The following TECTA variants were observed in gnomAD, a reference collection of about 807,000 sequenced individuals.
The protein encoded by TECTA is alpha-tectorin.
A neutral mutation model predicts 216.8 loss-of-function variants in TECTA; 128 were observed. That is an observed-to-expected ratio of 0.59 (90% CI 0.51 to 0.68). TECTA has a LOEUF of 0.68. TECTA is among the 30% of genes least tolerant of loss of function. The probability of loss-of-function intolerance (pLI) is 0.00; values close to 1 mark genes in which losing one functional copy is unlikely to be tolerated. For synonymous variants in TECTA, 1,089 were observed against 1,117.1 expected (o/e 0.97, Z 0.50); for missense variants, 2,551 against 2,786.2 (o/e 0.92, Z 1.90).
intron 20 of TECTA, among the ~76,000 whole-genome samples, chr11:121,175,389 T>G (rs1019245862): frequency 9.9e-5 from 15 of 152,212 alleles, no homozygotes; most frequent in African/African-American, 3.6e-4. Context: ...TCTGGTATGT[T>G]GTGTCTTTAT....
At chr11:121,102,878 G>A (rs567656439) in intron 2 of TECTA, 149 bp downstream of exon 2, 1 of 764,448 alleles carries the variant, frequency 1.3e-6, no homozygotes, top group Non-Finnish European at 2.3e-6. Flanking sequence ...ATTATCAAGG[G>A]TAAAATTCAT....
rs1947079684 is a variant in TECTA at position 121,168,622 on chromosome 11, A to G, written c.5751-55A>G. The G allele has an allele frequency of 1.9e-6, 3 of 1,613,414 alleles. No individual in the cohort carries two copies. The African/African-American group carries it at 4.0e-5, about 22-fold the overall frequency. On this transcript the variant is annotated intron_variant, in intron 19 of 23. Coordinates refer to ENST00000392793, the MANE Select transcript of TECTA (RefSeq NM_005422.4). ...ATTCTCAGCCTGAAAAATGGTAGGT[A>G]ATTGAATAGGTAACATTGTTTTGGA... is the stretch of plus-strand genomic sequence containing the variant.
At chr11:121,138,136 A>G (rs1390858430) in intron 11 of TECTA, 114 bp downstream of exon 11, 1 of 1,446,504 alleles carries the variant, frequency 6.9e-7, no homozygotes. Context: ...AAATCTTAGT[A>G]TATTAAAGCA....
At chr11:121,146,755 G>A (rs1189636312) in intron 12 of TECTA, among the ~76,000 whole-genome samples, 1 of 152,172 alleles carries the variant, frequency 6.6e-6, no homozygotes, top group Non-Finnish European at 1.5e-5. Flanking sequence ...AACGTAAAGG[G>A]GATCCAATTA....
At chr11:121,183,131 C>G (rs1177084034) in intron 20 of TECTA, among the ~76,000 whole-genome samples, 1 of 152,160 alleles carries the variant, frequency 6.6e-6, no homozygotes, top group East Asian at 1.9e-4. Flanking sequence ...CTTGGACCCA[C>G]CTGCACCACT....
intron 6 of TECTA, among the ~76,000 whole-genome samples, chr11:121,115,220 C>T (rs1946490131): frequency 6.6e-6 from 1 of 151,448 alleles, no homozygotes; most frequent in South Asian, 2.1e-4. Context: ...TATCCATCCA[C>T]CCATTCACCC....
intron 15 of TECTA, among the ~76,000 whole-genome samples, chr11:121,161,734 T>A (rs1016554473): frequency 2.0e-5 from 3 of 151,416 alleles, no homozygotes; most frequent in African/African-American, 7.3e-5. Context: ...GTTATATCAA[T>A]ACCTGTTAAT....
chr11:121,169,071 A>G (rs890854226), intron 20 of TECTA, 146 bp downstream of exon 20: 2 of 1,289,772 alleles, frequency 1.6e-6, no homozygotes, highest in Non-Finnish European at 2.2e-6. Flanking sequence ...CTAATTCTCA[A>G]GACAACCTAT....
intron 3 of TECTA, among the ~76,000 whole-genome samples, chr11:121,108,218 C>T (rs542033819): frequency 6.6e-6 from 1 of 152,156 alleles, no homozygotes; most frequent in South Asian, 2.1e-4. Flanking sequence ...GACCCTGAAT[C>T]TGTCTTTAGT....
chr11:121,190,709 C>G lies in TECTA; in HGVS notation c.6371C>G (p.Ser2124Cys). Reference protein sequence around the residue: ...LQEDGKSCRASNSSMELQVWT... With the variant: ...LQEDGKSCRACNSSMELQVWT... ...CTGTGTTCCTCTCTGTTTACAGCCTCTAATTCTTCAATGGAACTTCAAGTC... is the reference window on the plus strand; with the variant it reads ...CTGTGTTCCTCTCTGTTTACAGCCTGTAATTCTTCAATGGAACTTCAAGTC... The change falls in exon 24 of 24, where the codon TCT (serine) becomes TGT (cysteine). Residue 2124 changes from serine to cysteine, a missense_variant. By Grantham distance (112) the Ser-to-Cys change is moderately radical. Around this residue, in one of 3 missense-constraint regions of TECTA, gnomAD observed 118 missense variants for 116.4 expected, o/e 1.01. Transcript: ENST00000392793. 1 of 1,613,254 alleles carries G rather than the reference C, an allele frequency of 6.2e-7. No individual in the cohort carries two copies. The highest frequency in any genetic ancestry group is 8.5e-7 in the Non-Finnish European group (1 of 1,179,294).
chr11:121,136,907 G>T (rs1328435351), intron 10 of TECTA, among the ~76,000 whole-genome samples: 2 of 152,204 alleles, frequency 1.3e-5, no homozygotes, highest in Non-Finnish European at 2.9e-5. Flanking sequence ...GTACACAAAA[G>T]TGCCTAGGAC....
intron 12 of TECTA, among the ~76,000 whole-genome samples, chr11:121,152,038 T>A (rs990528160): frequency 6.6e-6 from 1 of 152,242 alleles, no homozygotes; most frequent in Non-Finnish European, 1.5e-5. Flanking sequence ...GCTATTGGTA[T>A]CTGTATTTAT....
chr11:121,138,316 G>A (rs760504786), intron 11 of TECTA, among the ~76,000 whole-genome samples: 2 of 152,194 alleles, frequency 1.3e-5, no homozygotes, highest in Non-Finnish European at 2.9e-5. Flanking sequence ...AGCACAGACC[G>A]AGGTTAGCAT....
Position 121,168,145 on chromosome 11 carries a change from A to C in TECTA, c.5678A>C (p.Asn1893Thr). The change falls in exon 19 of 24, where the codon AAT (asparagine) becomes ACT (threonine). Residue 1893 changes from asparagine (N) to threonine (T), a missense_variant. Around this residue, in one of 3 missense-constraint regions of TECTA, gnomAD observed 2,375 missense variants for 2,563.9 expected, o/e 0.93. Transcript: ENST00000392793. ...ATCATCACCAGGGACCGCACGATCA[A>C]TGTGGAATTTTCATGTGCTTATGAG... ...GNIITRDRTI[N>T]VEFSCAYELD... 6.2e-7 allele frequency: 1 copy of C among 1,614,220 alleles called. No individual in the cohort carries two copies. The highest frequency in any genetic ancestry group is 2.2e-5 in the East Asian group (1 of 44,892).
At chr11:121,170,318 A>C (rs1947098150) in intron 20 of TECTA, among the ~76,000 whole-genome samples, 1 of 152,224 alleles carries the variant, frequency 6.6e-6, no homozygotes. Context: ...TAAACATGGA[A>C]GTGTAGGTAT....
intron 4 of TECTA, 99 bp from the exon 5 acceptor site, chr11:121,112,973 C>T: frequency 1.3e-6 from 2 of 1,494,616 alleles, no homozygotes; most frequent in Non-Finnish European, 1.8e-6. Context: ...CTCTGAGCTG[C>T]CTGTGGGTGG....
rs186371621 is a variant in TECTA at position 121,182,236 on chromosome 11, C to G, written c.6000-5596C>G. On this transcript the variant is annotated intron_variant, in intron 20 of 23. Transcript: ENST00000392793. ...GTAGCAGTGGGCCAGGTGGGTGGGT[C>G]CTCAGGCCCTAAGTGGTGTGTGTGG... is the stretch of plus-strand genomic sequence containing the variant. Among the ~76,000 whole-genome samples, 5 of 152,036 alleles carry G rather than the reference C, an allele frequency of 3.3e-5. No homozygotes were observed. The East Asian group carries it at 9.7e-4, about 29-fold the overall frequency.
rs775596752 is a variant in TECTA, at chr11:121,190,720, A to G, written c.6382A>G (p.Met2128Val). ...GKSCRASNSS[M>V]ELQVWTLLLI... is the part of the protein sequence containing the mutation. ...TCTGTTTACAGCCTCTAATTCTTCA[A>G]TGGAACTTCAAGTCTGGACGCTTCT... The change falls in exon 24 of 24, where the codon ATG becomes GTG. Residue 2128 changes from methionine to valine, a missense_variant. By Grantham distance (21) the Met-to-Val change is conservative. Transcript: ENST00000392793. 9.9e-6 allele frequency: 16 copies of G among 1,613,734 alleles called. No individual in the cohort carries two copies. Among genetic ancestry groups the G allele is most frequent in the East Asian group, 6.7e-5 (3 of 44,864 alleles).
rs541843536 is a variant in TECTA, at chr11:121,127,840, G to A, written c.1863G>A (p.Arg621=). 1.9e-6 allele frequency: 3 copies of A among 1,614,110 alleles called. No homozygotes were observed. The East Asian group carries it at 6.7e-5, about 36-fold the overall frequency. ...CATGCTCCGACCTGACGGCCTCGCG[G>A]AACTGCGCCACGCCGTGCACAGAGG... ...PDTCSDLTAS[R]NCATPCTEGC... The change falls in exon 9 of 24, where the codon CGG becomes CGA. Residue 621 remains arginine (R), a synonymous_variant. Coordinates refer to ENST00000392793, the MANE Select transcript of TECTA (RefSeq NM_005422.4). The surrounding 1 kb of genome is among the most constrained non-coding windows in gnomAD (Gnocchi z 5.0).
Sources: gnomAD v4.1 joint callset for allele counts (sites outside exome capture counted in the v4.1 genomes callset) on GRCh38, gnomAD v4.1.1 for gene constraint, gnomAD v4.1.1 regional missense constraint, Gnocchi (gnomAD v3.1) non-coding constraint, MANE v1.5 for transcripts, NCBI Gene and HGNC (gene_info 2026-07-23, HGNC 2026-07-21) for gene names.